Variants in PTPRD observed in about 807,000 individuals in gnomAD.
PTPRD encodes the protein receptor-type tyrosine-protein phosphatase delta.
PTPRD carries 34 observed loss-of-function variants against 214.5 expected under a neutral mutation model. The ratio of observed to expected loss-of-function variants is 0.16; its 90% CI spans 0.12 to 0.21. The LOEUF is 0.21. PTPRD is among the 10% of genes least tolerant of loss of function. PTPRD has a pLI of 1.00. For missense variants in PTPRD, 2,545 were observed against 2,398.7 expected (o/e 1.06, Z -1.27); for synonymous variants, 1,128 against 845.7 (o/e 1.33, Z -5.79).
chr9:8,318,333 CTAAT>C (rs1823572793), intron 45 of PTPRD, among the ~76,000 whole-genome samples: 2 of 152,046 alleles, frequency 1.3e-5, no homozygotes, highest in Non-Finnish European at 2.9e-5. Context: ...TTCAAGATAA[CTAAT>C]TCTCAGTTTA....
chr9:9,176,569 T>C (rs1288612567), intron 10 of PTPRD, among the ~76,000 whole-genome samples: 1 of 152,188 alleles, frequency 6.6e-6, no homozygotes, highest in Non-Finnish European at 1.5e-5. Context: ...TAATTGCTAA[T>C]GTAATGGTGT....
chr9:9,711,109 CTG>C (rs1460415548), intron 7 of PTPRD, among the ~76,000 whole-genome samples: 3 of 152,150 alleles, frequency 2.0e-5, no homozygotes, highest in African/African-American at 7.2e-5. Context: ...AGACCCTAAA[CTG>C]TAATAAGCAG....
intron 5 of PTPRD, among the ~76,000 whole-genome samples, chr9:9,893,926 T>C (rs1467772702): frequency 6.6e-6 from 1 of 152,020 alleles, no homozygotes; most frequent in Non-Finnish European, 1.5e-5. Flanking sequence ...AATCCTCCTG[T>C]CTCAACCTTT....
chr9:9,642,818 T>G (rs1323819470), intron 7 of PTPRD, among the ~76,000 whole-genome samples: 1 of 152,206 alleles, frequency 6.6e-6, no homozygotes, highest in Non-Finnish European at 1.5e-5. Context: ...TATTTCCATT[T>G]TTCATACAAG....
chr9:9,257,285 T>C (rs2099978137), intron 9 of PTPRD, among the ~76,000 whole-genome samples: 1 of 151,942 alleles, frequency 6.6e-6, no homozygotes, highest in Non-Finnish European at 1.5e-5. Context: ...CTAATGATTT[T>C]ATAGATAGTA....
chr9:10,190,020 T>C (rs1338747062), intron 3 of PTPRD, among the ~76,000 whole-genome samples: 2 of 151,938 alleles, frequency 1.3e-5, no homozygotes, highest in Non-Finnish European at 2.9e-5. Context: ...CCAACGACAT[T>C]CTGTTAAAGA....
chr9:8,338,805 G>A, intron 43 of PTPRD, 117 bp downstream of exon 43: 1 of 930,608 alleles, frequency 1.1e-6, no homozygotes, highest in Non-Finnish European at 1.5e-6. Flanking sequence ...CAGAATGAAT[G>A]ATTTCTCTTT....
At chr9:8,468,393 T>C (rs2134683157) in intron 31 of PTPRD, among the ~76,000 whole-genome samples, 1 of 152,092 alleles carries the variant, frequency 6.6e-6, no homozygotes, top group South Asian at 2.1e-4. Context: ...CTGCTCTGAA[T>C]TAAATATCAC....
chr9:8,453,869 T>C (rs963618924), intron 33 of PTPRD, among the ~76,000 whole-genome samples: 24 of 152,194 alleles, frequency 1.6e-4, no homozygotes, highest in African/African-American at 5.3e-4. Context: ...TGGAAACCAC[T>C]GGAATATGGC....
chr9:10,133,998 A>T (rs1362026703), intron 3 of PTPRD, among the ~76,000 whole-genome samples: 2 of 152,116 alleles, frequency 1.3e-5, no homozygotes. Flanking sequence ...AGTATGTAAA[A>T]TGGGAATATT....
chr9:9,992,916 T>C (rs552724278), intron 4 of PTPRD, among the ~76,000 whole-genome samples: 23 of 152,242 alleles, frequency 1.5e-4, no homozygotes, highest in African/African-American at 5.3e-4. Context: ...AACCTGCACG[T>C]TGTGCACATG....
At chr9:10,158,783 C>A (rs914415801) in intron 3 of PTPRD, among the ~76,000 whole-genome samples, 2 of 152,152 alleles carry the variant, frequency 1.3e-5, no homozygotes, top group African/African-American at 2.4e-5. Flanking sequence ...GATGGGCAAC[C>A]AGCCTCCTCA....
At chr9:10,018,634 G>T (rs1322067673) in intron 4 of PTPRD, among the ~76,000 whole-genome samples, 1 of 122,688 alleles carries the variant, frequency 8.2e-6, no homozygotes, top group Non-Finnish European at 1.6e-5. Context: ...TGCAAGCTCC[G>T]CCTCCCGGGT....
At chr9:10,205,824 A>G (rs891333986) in intron 3 of PTPRD, among the ~76,000 whole-genome samples, 39 of 152,300 alleles carry the variant, frequency 2.6e-4, no homozygotes, top group African/African-American at 9.1e-4. Context: ...ATGTGATACT[A>G]TAACTTTAAA....
intron 35 of PTPRD, among the ~76,000 whole-genome samples, chr9:8,409,646 C>T (rs1476304027): frequency 2.0e-5 from 3 of 152,062 alleles, no homozygotes; most frequent in Non-Finnish European, 4.4e-5. Context: ...AACCTTTTTA[C>T]CCAGAAGAAA....
chr9:9,912,780 A>AT (rs966218800), intron 5 of PTPRD, among the ~76,000 whole-genome samples: 5 of 152,178 alleles, frequency 3.3e-5, no homozygotes, highest in East Asian at 1.9e-4. Context: ...AGATGTAAAG[A>AT]TTTTTTTTCT....
chr9:9,935,433 C>A (rs10978113), intron 5 of PTPRD, among the ~76,000 whole-genome samples: 38,940 of 151,490 alleles, frequency 0.26, 5,726 homozygotes, highest in Middle Eastern at 0.46. Context: ...ACACCAACAA[C>A]AGACAAACAG....
chr9:9,975,905 A>T (rs886408339), intron 4 of PTPRD, among the ~76,000 whole-genome samples: 2 of 152,196 alleles, frequency 1.3e-5, no homozygotes, highest in South Asian at 4.1e-4. Flanking sequence ...ATTATTTGGC[A>T]TACAGTATCC....
chr9:9,639,519 G>A (rs532847178), intron 7 of PTPRD, among the ~76,000 whole-genome samples: 1 of 152,074 alleles, frequency 6.6e-6, no homozygotes, highest in Non-Finnish European at 1.5e-5. Context: ...TCCAAAATAC[G>A]ACATTTAGTA....
Sources: allele counts gnomAD v4.1 joint callset (sites outside exome capture counted in the v4.1 genomes callset), GRCh38; gene constraint gnomAD v4.1.1; transcripts MANE v1.5; gene names NCBI Gene and HGNC (gene_info 2026-07-23, HGNC 2026-07-21).